NRG3: variants seen among roughly 807,000 people sequenced by gnomAD.
NRG3 encodes the protein pro-neuregulin-3, membrane-bound isoform.
Under a neutral mutation model 66.9 loss-of-function variants are expected in NRG3, and 31 were observed. That is an observed-to-expected ratio of 0.46 (90% CI 0.35 to 0.63). The LOEUF is 0.63. Ranked by LOEUF, NRG3 falls within the 20% of genes least tolerant of loss-of-function variation. The pLI, the probability that NRG3 is intolerant of heterozygous loss-of-function variation, is 0.00. For synonymous variants in NRG3, 393 were observed against 359.4 expected, an observed-to-expected ratio of 1.09 and a Z score of -1.06; for missense variants, 910 against 878.9, an observed-to-expected ratio of 1.04 and a Z score of -0.45.
intron 4 of NRG3, among the ~76,000 whole-genome samples, chr10:82,915,866 T>G (rs1393905209): frequency 6.6e-6 from 1 of 152,192 alleles, no homozygotes; most frequent in Non-Finnish European, 1.5e-5. Context: ...TCTCTCATAT[T>G]TCAATTTCTG....
chr10:82,715,271 G>A (rs565243310), intron 2 of NRG3, among the ~76,000 whole-genome samples: 11 of 152,204 alleles, frequency 7.2e-5, no homozygotes, highest in South Asian at 4.1e-4. Context: ...GATGGCACAC[G>A]CCTGTAGTCC....
chr10:82,116,729 A>G (rs987713626), intron 1 of NRG3, among the ~76,000 whole-genome samples: 4 of 152,146 alleles, frequency 2.6e-5, no homozygotes, highest in South Asian at 2.1e-4. Context: ...AGGACGCCCA[A>G]GTGAATCTTT....
At position 82,959,183 on chromosome 10, in the gene NRG3, A is replaced by G. The variant is rs576611461; in HGVS notation, c.1284+108A>G. 3.1e-6 allele frequency: 4 copies of G among 1,286,414 alleles called. No individual in the cohort carries two copies. The African/African-American group carries it at 4.5e-5, about 14-fold the overall frequency. The allele number at this position is 1,286,414 out of a possible 1,614,324, so 79.7% of individuals were successfully genotyped here. On this transcript the variant is annotated intron_variant, in intron 6 of 8. Coordinates refer to ENST00000372141, the MANE Select transcript of NRG3 (RefSeq NM_001010848.4). ...TTGTAAATATTTTTCAGAGCTTTAT[A>G]GGGTTTTGCTTAAATCGTTTTAACA... is the stretch of plus-strand genomic sequence containing the variant.
At position 82,457,985 on chromosome 10, in the gene NRG3, A is replaced by G. The variant is rs182025092; in HGVS notation, c.953+99117A>G. ...GAGCATGTAATTTGGGTTTGAAAGA[A>G]AGGAAGACAAGAAAGGCACAGACCG... is the stretch of plus-strand genomic sequence containing the variant. On this transcript the variant is annotated intron_variant, in intron 2 of 8. Transcript: ENST00000372141. Among the ~76,000 whole-genome samples, 37 of 152,358 alleles carry G rather than the reference A, an allele frequency of 2.4e-4. 1 individual carries two copies. Among genetic ancestry groups the G allele is most frequent in the Admixed American group, 9.8e-4 (15 of 15,312 alleles).
At chr10:82,578,193 C>T (rs2046144421) in intron 2 of NRG3, among the ~76,000 whole-genome samples, 1 of 150,942 alleles carries the variant, frequency 6.6e-6, no homozygotes, top group Non-Finnish European at 1.5e-5. Flanking sequence ...ACAAAATATG[C>T]AGTGACAATT....
intron 4 of NRG3, among the ~76,000 whole-genome samples, chr10:82,936,142 T>C (rs1848045375): frequency 6.6e-6 from 1 of 152,224 alleles, no homozygotes; most frequent in Non-Finnish European, 1.5e-5. Flanking sequence ...TTGTTATGTA[T>C]TAACCTTTAA....
intron 2 of NRG3, among the ~76,000 whole-genome samples, chr10:82,366,954 A>G (rs1162621009): frequency 6.6e-6 from 1 of 152,192 alleles, no homozygotes; most frequent in East Asian, 1.9e-4. Flanking sequence ...ACATTTTTTA[A>G]ACGCAGGATA....
intron 3 of NRG3, among the ~76,000 whole-genome samples, chr10:82,750,198 C>T (rs944757220): frequency 6.6e-6 from 1 of 152,134 alleles, no homozygotes; most frequent in Non-Finnish European, 1.5e-5. Context: ...ACAACCAACA[C>T]AGTGCTGTAC....
At chr10:82,935,779 A>G (rs1202899112) in intron 4 of NRG3, among the ~76,000 whole-genome samples, 2 of 152,050 alleles carry the variant, frequency 1.3e-5, no homozygotes, top group Non-Finnish European at 2.9e-5. Flanking sequence ...GCGTGCCACC[A>G]CGCCTGGATA....
At chr10:82,633,030 C>G (rs1224546740) in intron 2 of NRG3, among the ~76,000 whole-genome samples, 1 of 152,170 alleles carries the variant, frequency 6.6e-6, no homozygotes, top group African/African-American at 2.4e-5. Context: ...CTGCCATTGA[C>G]AGGTTTGTTA....
At chr10:82,122,308 C>T (rs1434145497) in intron 1 of NRG3, among the ~76,000 whole-genome samples, 1 of 152,094 alleles carries the variant, frequency 6.6e-6, no homozygotes, top group Non-Finnish European at 1.5e-5. Flanking sequence ...TCATTTTAGC[C>T]AAGTTAGTTT....
intron 1 of NRG3, among the ~76,000 whole-genome samples, chr10:82,094,780 A>G (rs1374439063): frequency 6.6e-6 from 1 of 152,220 alleles, no homozygotes; most frequent in Non-Finnish European, 1.5e-5. Context: ...AAGTGAAACA[A>G]CTCAGAAACA....
chr10:82,194,590 G>A (rs1056334572), intron 1 of NRG3, among the ~76,000 whole-genome samples: 10 of 152,146 alleles, frequency 6.6e-5, no homozygotes, highest in Admixed American at 4.6e-4. Flanking sequence ...CCCGTAGTTC[G>A]TGATCTAGAG....
At chr10:82,021,259 G>A (rs1032126018) in intron 1 of NRG3, among the ~76,000 whole-genome samples, 8 of 152,050 alleles carry the variant, frequency 5.3e-5, no homozygotes, top group African/African-American at 1.7e-4. Context: ...GGTAAGCAAG[G>A]CTGCCTGGGA....
At chr10:81,968,883 G>A (rs1051264653) in intron 1 of NRG3, among the ~76,000 whole-genome samples, 8 of 152,188 alleles carry the variant, frequency 5.3e-5, no homozygotes, top group Non-Finnish European at 8.8e-5. Context: ...ATGTGCTGAG[G>A]CAGAATCAGA....
At chr10:82,859,247 A>T (rs2063983647) in intron 3 of NRG3, 1 of 152,150 alleles carries the variant, frequency 6.6e-6, no homozygotes. Flanking sequence ...GCACCCGGCC[A>T]GTAGTCTAAC....
chr10:82,907,757 C>G (rs1844893763), intron 4 of NRG3, among the ~76,000 whole-genome samples: 1 of 152,100 alleles, frequency 6.6e-6, no homozygotes, highest in Non-Finnish European at 1.5e-5. Context: ...TAAGCACTAA[C>G]TGTATGCATA....
intron 1 of NRG3, among the ~76,000 whole-genome samples, chr10:82,105,831 T>C (rs1196803593): frequency 1.3e-5 from 2 of 152,030 alleles, no homozygotes. Flanking sequence ...TAGGAAGAAA[T>C]AGAAACATCC....
Position 82,599,546 on chromosome 10 carries a change from G to A in NRG3, c.954-139031G>A, listed in dbSNP as rs188762983. ...AAGAACTAATCAGGCCGGGCGCCGG[G>A]GCTCACGCCTGTAATCTCAGCACTT... On this transcript the variant is annotated intron_variant, in intron 2 of 8. Transcript: ENST00000372141. 5.2e-3 allele frequency among the ~76,000 whole-genome samples: 786 copies of A among 152,274 alleles called. 6 individuals carry two copies. The highest frequency in any genetic ancestry group is 0.017 in the African/African-American group (692 of 41,550).
Sources: allele counts gnomAD v4.1 joint callset (sites outside exome capture counted in the v4.1 genomes callset), GRCh38; gene constraint gnomAD v4.1.1; transcripts MANE v1.5; gene names NCBI Gene and HGNC (gene_info 2026-07-23, HGNC 2026-07-21).